The following BAIAP2 variants were observed in gnomAD, a reference collection of about 807,000 sequenced individuals.
The protein encoded by BAIAP2 is BAR/IMD domain containing adaptor protein 2, also known as BAR/IMD domain-containing adapter protein 2.
BAIAP2 carries 18 observed loss-of-function variants against 63.0 expected under a neutral mutation model. The ratio of observed to expected loss-of-function variants is 0.29; its 90% CI spans 0.20 to 0.42. The LOEUF is 0.42. BAIAP2 is among the 10% of genes least tolerant of loss of function. The pLI is 1.00. For missense variants in BAIAP2, 610 were observed against 734.3 expected (o/e 0.83, Z 1.96); for synonymous variants, 386 against 307.6 (o/e 1.25, Z -2.67).
intron 1 of BAIAP2, 65 bp downstream of exon 1, chr17:81,035,373 C>A: frequency 9.5e-7 from 1 of 1,058,000 alleles, no homozygotes; most frequent in South Asian, 3.5e-5. Context: ...GCCGCCCGCG[C>A]GCCCGAGCCC....
chr17:81,093,212 G>A (rs2057087609), intron 6 of BAIAP2, among the ~76,000 whole-genome samples: 4 of 152,088 alleles, frequency 2.6e-5, no homozygotes, highest in Admixed American at 6.5e-5. Context: ...GTGCACTGAG[G>A]GTGGGGCAGC....
intron 1 of BAIAP2, among the ~76,000 whole-genome samples, chr17:81,049,141 A>G (rs912461189): frequency 6.6e-6 from 1 of 152,238 alleles, no homozygotes; most frequent in Non-Finnish European, 1.5e-5. Context: ...AGAGCTCTGC[A>G]CGCGCCGGGC....
chr17:81,088,135 C>A (rs1212393461), intron 6 of BAIAP2, among the ~76,000 whole-genome samples: 5 of 152,074 alleles, frequency 3.3e-5, no homozygotes. Context: ...GCGGACGGCA[C>A]CCCTGCGGCC....
At chr17:81,098,196 G>T (rs1238208665) in intron 6 of BAIAP2, 5 of 1,426,174 alleles carry the variant, frequency 3.5e-6, no homozygotes, top group South Asian at 1.5e-5. Flanking sequence ...TGTTGGTCAG[G>T]TGAGTCATAC....
intron 13 of BAIAP2, among the ~76,000 whole-genome samples, chr17:81,114,211 G>A (rs1418342007): frequency 1.3e-5 from 2 of 149,970 alleles, no homozygotes; most frequent in Non-Finnish European, 3.0e-5. Context: ...GGGCTCAAGT[G>A]GTTCCTCCTG....
intron 2 of BAIAP2, 69 bp from the exon 3 acceptor site, chr17:81,057,812 C>T (rs45566238): frequency 0.03 from 47,344 of 1,554,138 alleles, 885 homozygotes; most frequent in Middle Eastern, 0.06. Context: ...CCAAGACTGC[C>T]GTGTTTTTGC....
chr17:81,055,574 G>GTTTTTTGTTGTTTTTTGTTTT (rs370775327), intron 2 of BAIAP2, among the ~76,000 whole-genome samples: 2 of 123,406 alleles, frequency 1.6e-5, no homozygotes, highest in Admixed American at 1.9e-4. Flanking sequence ...AGGGTGTTTT[G>GTTTTTTGTTGTTTTTTGTTTT]TTTTTTTTTG....
rs534278101 is a variant in BAIAP2 at position 81,088,396 on chromosome 17, T to C, written c.489+1816T>C. On this transcript the variant is annotated intron_variant, in intron 6 of 13. Coordinates refer to ENST00000428708, the MANE Select transcript of BAIAP2 (RefSeq NM_001144888.2). ...TTTTGCTAACAGCGTTTTTGAGATA[T>C]AATTCACATCACCAGCAGTTCACCA... Among the ~76,000 whole-genome samples, 66 of 152,328 alleles carry C rather than the reference T, an allele frequency of 4.3e-4. No individual in the cohort carries two copies. The South Asian group carries it at 0.013, about 29-fold the overall frequency.
intron 13 of BAIAP2, chr17:81,109,372 T>TAAAAAAAAAAAAAAAAAAAAAAAAAAAA (rs747875777): frequency 1.3e-6 from 1 of 757,188 alleles, no homozygotes; most frequent in Non-Finnish European, 1.6e-6. Flanking sequence ...AGAAAAATCT[T>TAAAAAAAAAAAAAAAAAAAAAAAAAAAA]AAAAAAAAAA....
At chr17:81,103,162 C>T (rs902760907) in intron 7 of BAIAP2, among the ~76,000 whole-genome samples, 7 of 152,190 alleles carry the variant, frequency 4.6e-5, no homozygotes, top group African/African-American at 1.7e-4. Context: ...CTTCCTGGCA[C>T]TTTGGGGTTT....
chr17:81,053,545 C>A, intron 1 of BAIAP2, 123 bp from the exon 2 acceptor site: 1 of 981,454 alleles, frequency 1.0e-6, no homozygotes, highest in South Asian at 1.4e-5. Context: ...CCACCTTGAG[C>A]ATTTGTGGTG....
intron 13 of BAIAP2, chr17:81,109,540 C>T: frequency 1.0e-6 from 1 of 985,360 alleles, no homozygotes; most frequent in Non-Finnish European, 1.2e-6. Flanking sequence ...GCTGGGGTCC[C>T]TGGCCGCCCC....
intron 10 of BAIAP2, 56 bp downstream of exon 10, chr17:81,104,771 G>A: frequency 6.7e-7 from 1 of 1,493,066 alleles, no homozygotes; most frequent in South Asian, 1.2e-5. Flanking sequence ...CAAGTGTGTG[G>A]GGCAGCGACA....
intron 3 of BAIAP2, among the ~76,000 whole-genome samples, chr17:81,063,168 CAA>C (rs531014156): frequency 2.2e-4 from 34 of 152,136 alleles, no homozygotes; most frequent in African/African-American, 7.2e-4. Flanking sequence ...TGGACAGAAA[CAA>C]GAGGCTTTTG....
chr17:81,091,038 A>G (rs879778134), intron 6 of BAIAP2, among the ~76,000 whole-genome samples: 1 of 130,164 alleles, frequency 7.7e-6, no homozygotes, highest in South Asian at 2.4e-4. Context: ...CCTCCAGTGC[A>G]TTCCACCCCG....
At chr17:81,043,800 G>A (rs931665997) in intron 1 of BAIAP2, among the ~76,000 whole-genome samples, 3 of 152,208 alleles carry the variant, frequency 2.0e-5, no homozygotes, top group African/African-American at 7.2e-5. Flanking sequence ...AAACTGCAGA[G>A]CCAACTCCAG....
intron 12 of BAIAP2, 191 bp downstream of exon 12, chr17:81,107,098 C>T (rs1249073270): frequency 5.9e-6 from 4 of 672,282 alleles, no homozygotes; most frequent in East Asian, 3.3e-5. Context: ...CTGCCCGCCT[C>T]GCCGCAGCAG....
chr17:81,090,674 C>T (rs2056568611), intron 6 of BAIAP2, among the ~76,000 whole-genome samples: 1 of 152,236 alleles, frequency 6.6e-6, no homozygotes, highest in Non-Finnish European at 1.5e-5. Flanking sequence ...CCGTCAGCAT[C>T]CCCAGCCCCA....
intron 1 of BAIAP2, among the ~76,000 whole-genome samples, chr17:81,050,642 A>G (rs866463135): frequency 2.6e-5 from 4 of 151,746 alleles, no homozygotes; most frequent in African/African-American, 9.7e-5. Context: ...TGGCACGCCC[A>G]CCTCCGTGGT....
Sources: allele counts gnomAD v4.1 joint callset (sites outside exome capture counted in the v4.1 genomes callset), GRCh38; gene constraint gnomAD v4.1.1; transcripts MANE v1.5; gene names NCBI Gene and HGNC (gene_info 2026-07-23, HGNC 2026-07-21).